The following DIP2C variants were observed in gnomAD, a reference collection of about 807,000 sequenced individuals.
DIP2C encodes disco-interacting protein 2 homolog C.
In DIP2C, 33 loss-of-function variants were observed where a neutral mutation model predicts 192.4. The observed-to-expected ratio is 0.17, with a 90% CI of 0.13 to 0.23. DIP2C has a LOEUF of 0.23. DIP2C is among the 10% of genes least tolerant of loss of function. The pLI is 1.00. For synonymous variants in DIP2C, 979 were observed against 864.1 expected (o/e 1.13, Z -2.33); for missense variants, 1,537 against 2,110.1 (o/e 0.73, Z 5.32).
At position 356,925 on chromosome 10, in the gene DIP2C, GATCT is replaced by G. The variant is rs201350149; in HGVS notation, c.2905-423_2905-420del. Among the ~76,000 whole-genome samples, 112 of 152,312 alleles carry G rather than the reference GATCT, an allele frequency of 7.4e-4. No individual in the cohort carries two copies. In the East Asian group the frequency reaches 0.018, roughly 24 times the overall value. On this transcript the variant is annotated intron_variant, in intron 23 of 36. Coordinates refer to ENST00000280886, the MANE Select transcript of DIP2C (RefSeq NM_014974.3). ...TTTGGTGGCTACAGTGAGAGAATCA[GATCT>G]ATCTGGTTTTAAAAAGCGGGATCTA...
intron 3 of DIP2C, among the ~76,000 whole-genome samples, chr10:446,245 T>G (rs1968196430): frequency 6.6e-6 from 1 of 152,108 alleles, no homozygotes; most frequent in Non-Finnish European, 1.5e-5. Flanking sequence ...CCACTGGGCA[T>G]CTGTATACAC....
At chr10:555,080 C>T (rs1261937912) in intron 1 of DIP2C, among the ~76,000 whole-genome samples, 1 of 151,996 alleles carries the variant, frequency 6.6e-6, no homozygotes, top group Non-Finnish European at 1.5e-5. Context: ...ACAACTAATT[C>T]TAATTCCAAC....
At chr10:627,843 G>A (rs1237317654) in intron 1 of DIP2C, among the ~76,000 whole-genome samples, 1 of 152,238 alleles carries the variant, frequency 6.6e-6, no homozygotes, top group African/African-American at 2.4e-5. Flanking sequence ...ACGTGAAGAC[G>A]TGCACTTCAT....
chr10:530,474 C>T (rs909418554), intron 1 of DIP2C, among the ~76,000 whole-genome samples: 1 of 151,902 alleles, frequency 6.6e-6, no homozygotes, highest in Non-Finnish European at 1.5e-5. Context: ...GGCCAACCAG[C>T]CTGCTTGAGG....
At chr10:448,167 T>C (rs1322349567) in intron 3 of DIP2C, among the ~76,000 whole-genome samples, 31 of 79,790 alleles carry the variant, frequency 3.9e-4, no homozygotes, top group Admixed American at 7.5e-4. Flanking sequence ...ACCCGCTCAC[T>C]CCCGTCGATA....
At chr10:617,137 CCT>C (rs892582622) in intron 1 of DIP2C, among the ~76,000 whole-genome samples, 1 of 152,078 alleles carries the variant, frequency 6.6e-6, no homozygotes, top group Non-Finnish European at 1.5e-5. Flanking sequence ...CCAGGCACTG[CCT>C]CTGTGCCTCC....
At chr10:543,896 TAA>T (rs541263334) in intron 1 of DIP2C, among the ~76,000 whole-genome samples, 116 of 146,070 alleles carry the variant, frequency 7.9e-4, no homozygotes, top group South Asian at 4.0e-3. Context: ...TTGAATCCAT[TAA>T]GAGTCAGCAC....
intron 1 of DIP2C, among the ~76,000 whole-genome samples, chr10:526,043 A>ATGC (rs1199750447): frequency 1.3e-5 from 2 of 152,226 alleles, no homozygotes; most frequent in African/African-American, 4.8e-5. Context: ...TTAATTGCCG[A>ATGC]TGCTGCGCTC....
At chr10:308,309 G>A (rs1422632121) in intron 32 of DIP2C, among the ~76,000 whole-genome samples, 1 of 150,256 alleles carries the variant, frequency 6.7e-6, no homozygotes, top group Non-Finnish European at 1.5e-5. Context: ...ATGCAGTGGT[G>A]TGTGGGAAAG....
Position 376,401 on chromosome 10 carries a change from G to A in DIP2C, c.1991+6246C>T, listed in dbSNP as rs576658481. Among the ~76,000 whole-genome samples, 14 of 152,222 alleles carry A rather than the reference G, an allele frequency of 9.2e-5. No individual in the cohort carries two copies. In the South Asian group the frequency reaches 2.5e-3, roughly 27 times the overall value. On this transcript the variant is annotated intron_variant, in intron 17 of 36. Transcript: ENST00000280886. ...GCTCATCCCACACACGACGTTCCCT[G>A]TGCTGGCGTCGAAGCACCTGCACAA...
chr10:498,965 C>T (rs1192062819), intron 1 of DIP2C, among the ~76,000 whole-genome samples: 1 of 152,236 alleles, frequency 6.6e-6, no homozygotes, highest in African/African-American at 2.4e-5. Context: ...CTGCTCTGCA[C>T]CGCACAGCAC....
At chr10:658,602 C>T (rs1856555527) in intron 1 of DIP2C, among the ~76,000 whole-genome samples, 2 of 152,200 alleles carry the variant, frequency 1.3e-5, no homozygotes, top group African/African-American at 4.8e-5. Context: ...ACTAGAAATA[C>T]CAATCATTAG....
At chr10:494,766 G>A (rs1564786968) in intron 1 of DIP2C, among the ~76,000 whole-genome samples, 1 of 152,216 alleles carries the variant, frequency 6.6e-6, no homozygotes, top group African/African-American at 2.4e-5. Flanking sequence ...TGGAGCAAAG[G>A]GAACCCTTGC....
chr10:568,566 G>C (rs1849577297), intron 1 of DIP2C, among the ~76,000 whole-genome samples: 3 of 151,820 alleles, frequency 2.0e-5, no homozygotes, highest in South Asian at 2.1e-4. Context: ...AGGAGATCGA[G>C]ACCATCCTGG....
chr10:567,585 C>G (rs1849528649), intron 1 of DIP2C, among the ~76,000 whole-genome samples: 4 of 152,152 alleles, frequency 2.6e-5, no homozygotes, highest in Admixed American at 2.6e-4. Flanking sequence ...TTCTGCCAAA[C>G]AAACATTCTC....
Position 685,652 on chromosome 10 carries a change from A to AAAT in DIP2C, c.85+3839_85+3841dup, listed in dbSNP as rs749347353. ...CAACAGCTAAATGCAATCTTTTTTAAAATAATAATAATAATAATAAGACAT... is the reference window on the plus strand; with the variant it reads ...CAACAGCTAAATGCAATCTTTTTTAAAATAATAATAATAATAATAATAAGACAT... On this transcript the variant is annotated intron_variant, in intron 1 of 36. Coordinates refer to ENST00000280886, the MANE Select transcript of DIP2C (RefSeq NM_014974.3). Among the ~76,000 whole-genome samples the AAAT allele has an allele frequency of 8.5e-5, 13 of 152,110 alleles. 1 individual carries two copies. The highest frequency in any genetic ancestry group is 5.8e-4 in the East Asian group (3 of 5,186).
At chr10:464,247 C>A (rs1428042664) in intron 3 of DIP2C, among the ~76,000 whole-genome samples, 1 of 152,088 alleles carries the variant, frequency 6.6e-6, no homozygotes, top group Admixed American at 6.5e-5. Context: ...ATCCATCCAT[C>A]TGACAAAGGG....
intron 1 of DIP2C, among the ~76,000 whole-genome samples, chr10:575,892 C>T (rs1482189217): frequency 6.6e-6 from 1 of 152,200 alleles, no homozygotes. Context: ...TTACCTGCGC[C>T]TCTCCTCCAT....
chr10:657,375 GGACCTGACC>G (rs1433871836), intron 1 of DIP2C, among the ~76,000 whole-genome samples: 2 of 72,142 alleles, frequency 2.8e-5, no homozygotes, highest in African/African-American at 9.6e-5. Flanking sequence ...ACCTGCCACT[GGACCTGACC>G]CTGGACCTGC....
Sources: allele counts gnomAD v4.1 joint callset (sites outside exome capture counted in the v4.1 genomes callset), GRCh38; gene constraint gnomAD v4.1.1; transcripts MANE v1.5; gene names NCBI Gene and HGNC (gene_info 2026-07-23, HGNC 2026-07-21).